FRMD4A: variants seen among roughly 807,000 people sequenced by gnomAD.
The protein encoded by FRMD4A is FERM domain-containing protein 4A.
A neutral mutation model predicts 129.1 loss-of-function variants in FRMD4A; 29 were observed. The ratio of observed to expected loss-of-function variants is 0.22; its 90% CI spans 0.17 to 0.31. The LOEUF is 0.31. Among genes scored for constraint, FRMD4A ranks in the 10% least tolerant of loss-of-function variants. FRMD4A has a pLI of 1.00. For missense variants in FRMD4A, 1,272 were observed against 1,375.8 expected, an observed-to-expected ratio of 0.92 and a Z score of 1.19; for synonymous variants, 634 against 571.6, an observed-to-expected ratio of 1.11 and a Z score of -1.56.
chr10:14,146,055 G>A (rs574951800), intron 2 of FRMD4A, among the ~76,000 whole-genome samples: 1 of 152,292 alleles, frequency 6.6e-6, no homozygotes, highest in South Asian at 2.1e-4. Context: ...CCCTTCGCTG[G>A]CTGTGTGACC....
intron 8 of FRMD4A, among the ~76,000 whole-genome samples, chr10:13,752,447 C>A (rs1489211672): frequency 6.6e-6 from 1 of 152,108 alleles, no homozygotes; most frequent in Non-Finnish European, 1.5e-5. Context: ...TTTAAAAAAC[C>A]TGGAAATAAC....
In FRMD4A at chr10:13,840,072, G is replaced by A. The variant is rs1564890556; in HGVS notation, c.111+18775C>T. 2.0e-5 allele frequency among the ~76,000 whole-genome samples: 3 copies of A among 152,208 alleles called. No individual in the cohort carries two copies. The East Asian group carries it at 5.8e-4, about 29-fold the overall frequency. ...TAATACCTCACAATTGCTTAAAGAG[G>A]TCATTTGCTCGAGGTCACTGTTAGG... On this transcript the variant is annotated intron_variant, in intron 3 of 24. Coordinates refer to ENST00000357447, the MANE Select transcript of FRMD4A (RefSeq NM_018027.5).
chr10:13,670,504 C>A lies in FRMD4A; in HGVS notation c.1276G>T (p.Glu426Ter). The change falls in exon 17 of 25, where the codon GAA becomes TAA. Residue 426 changes from glutamate (E) to a stop codon, truncating the protein, a stop_gained. Transcript: ENST00000357447. LOFTEE classifies it high-confidence loss of function. The stretch of plus-strand genomic sequence containing the variant: ...TCCTCCCCTGGATCCAGGGGATATT[C>A]TACTGGCAGCTTGCCCGTGAGCTCC... Reference protein sequence around the residue: ...EAELTGKLPVEYPLDPGEEPP... With the variant: ...EAELTGKLPV 6.2e-7 allele frequency: 1 copy of A among 1,613,352 alleles called. No individual in the cohort carries two copies.
At chr10:14,070,038 C>A (rs1433182963) in intron 2 of FRMD4A, among the ~76,000 whole-genome samples, 1 of 152,154 alleles carries the variant, frequency 6.6e-6, no homozygotes, top group Admixed American at 6.5e-5. Flanking sequence ...GGTGGGACAG[C>A]TTATACAGCA....
At chr10:13,749,219 T>G (rs1390804760) in intron 8 of FRMD4A, among the ~76,000 whole-genome samples, 1 of 152,226 alleles carries the variant, frequency 6.6e-6, no homozygotes, top group East Asian at 1.9e-4. Flanking sequence ...AGGAGCATTC[T>G]GCCTTTGATT....
In FRMD4A at chr10:14,209,665, G is replaced by T. The variant is rs545626658; in HGVS notation, c.45+120393C>A. Among the ~76,000 whole-genome samples, 262 of 150,628 alleles carry T rather than the reference G, an allele frequency of 1.7e-3. 2 individuals carry two copies. The highest frequency in any genetic ancestry group is 4.3e-3 in the Admixed American group (65 of 15,080). On this transcript the variant is annotated intron_variant, in intron 2 of 24. Transcript: ENST00000357447. ...GAACCCAGGAGGCGGAGCTTGCAGT[G>T]AGCTGAGATTGTGCCATTGCACTCC...
intron 2 of FRMD4A, chr10:13,971,551 T>C (rs1460243287): frequency 2.7e-5 from 16 of 590,030 alleles, no homozygotes; most frequent in Non-Finnish European, 4.0e-5. Context: ...TGTAACATGC[T>C]TCAGAGTCCC....
At chr10:13,724,162 G>A (rs893224868) in intron 12 of FRMD4A, among the ~76,000 whole-genome samples, 10 of 152,210 alleles carry the variant, frequency 6.6e-5, no homozygotes, top group Non-Finnish European at 1.0e-4. Context: ...GACGAGGCAG[G>A]CGGATCACGA....
In FRMD4A at chr10:14,249,877, CA is replaced by C. The variant is rs1431143532; in HGVS notation, c.45+80180del. Among the ~76,000 whole-genome samples, 6 of 152,202 alleles carry C rather than the reference CA, an allele frequency of 3.9e-5. No homozygotes were observed. The South Asian group carries it at 1.2e-3, about 32-fold the overall frequency. Reference sequence around the variant, plus strand: ...CTTTTTAATAAAAGTATATATGTGTCAAAAAATAGGAAAGAAACACAACAAC... The same window carrying C: ...CTTTTTAATAAAAGTATATATGTGTCAAAAATAGGAAAGAAACACAACAAC... On this transcript the variant is annotated intron_variant, in intron 2 of 24. Coordinates refer to ENST00000357447, the MANE Select transcript of FRMD4A (RefSeq NM_018027.5).
At chr10:14,274,681 G>A (rs1157926033) in intron 2 of FRMD4A, among the ~76,000 whole-genome samples, 1 of 152,042 alleles carries the variant, frequency 6.6e-6, no homozygotes, top group East Asian at 1.9e-4. Context: ...AAAAATGAAG[G>A]GACAAAAGAG....
chr10:13,725,153 A>G (rs1377512239), intron 12 of FRMD4A, among the ~76,000 whole-genome samples: 1 of 152,212 alleles, frequency 6.6e-6, no homozygotes, highest in Admixed American at 6.5e-5. Flanking sequence ...GATTCCTTCA[A>G]CATCAGGATT....
chr10:13,899,550 T>G (rs1018568213), intron 2 of FRMD4A, among the ~76,000 whole-genome samples: 1 of 152,126 alleles, frequency 6.6e-6, no homozygotes, highest in Non-Finnish European at 1.5e-5. Flanking sequence ...TTCCAGCACT[T>G]TTTCTGGCAG....
intron 3 of FRMD4A, among the ~76,000 whole-genome samples, chr10:13,845,664 C>T (rs2094034706): frequency 1.3e-5 from 2 of 152,142 alleles, no homozygotes; most frequent in South Asian, 4.2e-4. Context: ...CATGTTGTGC[C>T]AGACAGTCTT....
At chr10:13,779,324 A>G (rs935891539) in intron 6 of FRMD4A, among the ~76,000 whole-genome samples, 17 of 152,204 alleles carry the variant, frequency 1.1e-4, no homozygotes, top group African/African-American at 4.1e-4. Context: ...TCCAAGAAAA[A>G]AAAAAAAAAG....
chr10:13,875,201 GA>G (rs1362738930), intron 2 of FRMD4A, among the ~76,000 whole-genome samples: 1 of 152,204 alleles, frequency 6.6e-6, no homozygotes, highest in Non-Finnish European at 1.5e-5. Flanking sequence ...TGAAAACAAA[GA>G]AGGGGGAGCT....
At chr10:13,679,474 T>TATATATACATACACACAC (rs1308155926) in intron 15 of FRMD4A, among the ~76,000 whole-genome samples, 1 of 31,468 alleles carries the variant, frequency 3.2e-5, no homozygotes, top group African/African-American at 1.3e-4. Context: ...TATATATATA[T>TATATATACATACACACAC]ACACACACAC....
intron 2 of FRMD4A, among the ~76,000 whole-genome samples, chr10:14,230,656 A>T (rs536237002): frequency 6.6e-6 from 1 of 152,102 alleles, no homozygotes; most frequent in Non-Finnish European, 1.5e-5. Flanking sequence ...TAGGTTCAGG[A>T]GATACTTTTG....
intron 2 of FRMD4A, among the ~76,000 whole-genome samples, chr10:14,230,232 G>A (rs761469935): frequency 3.9e-5 from 6 of 152,104 alleles, no homozygotes; most frequent in Non-Finnish European, 7.3e-5. Flanking sequence ...AGCATCTTGG[G>A]ACAAAAACAC....
chr10:13,820,066 C>G (rs1399153752), intron 3 of FRMD4A, among the ~76,000 whole-genome samples: 1 of 152,074 alleles, frequency 6.6e-6, no homozygotes, highest in Non-Finnish European at 1.5e-5. Flanking sequence ...AAGACAGAGG[C>G]AGAGACCTGA....
Sources: gnomAD v4.1 joint callset for allele counts (sites outside exome capture counted in the v4.1 genomes callset) on GRCh38, gnomAD v4.1.1 for gene constraint, MANE v1.5 for transcripts, NCBI Gene and HGNC (gene_info 2026-07-23, HGNC 2026-07-21) for gene names.